Variants in LRMDA observed in about 807,000 individuals in gnomAD.
LRMDA encodes leucine rich melanocyte differentiation associated, also known as leucine-rich melanocyte differentiation-associated protein.
LRMDA carries 18 observed loss-of-function variants against 29.8 expected under a neutral mutation model. That is an observed-to-expected ratio of 0.60 (90% CI 0.42 to 0.90). The LOEUF (loss-of-function observed/expected upper bound fraction) is 0.90, where lower values mean the gene tolerates loss of function less well. LRMDA is among the 40% of genes least tolerant of loss of function. LRMDA has a pLI of 0.00. For synonymous variants in LRMDA, 125 were observed against 109.4 expected (o/e 1.14, Z -0.89); for missense variants, 273 against 273.9 (o/e 1.00, Z 0.02).
At chr10:76,370,682 G>A (rs984767071) in intron 6 of LRMDA, among the ~76,000 whole-genome samples, 11 of 151,884 alleles carry the variant, frequency 7.2e-5, no homozygotes, top group Non-Finnish European at 1.3e-4. Context: ...TATTATTATT[G>A]TAAATCTCTT....
intron 2 of LRMDA, among the ~76,000 whole-genome samples, chr10:75,692,539 A>C (rs2132162656): frequency 6.8e-6 from 1 of 147,398 alleles, no homozygotes; most frequent in East Asian, 2.0e-4. Context: ...GTATGTATAC[A>C]TATATACACA....
intron 6 of LRMDA, among the ~76,000 whole-genome samples, chr10:76,463,933 T>G (rs1336518593): frequency 6.7e-6 from 1 of 148,536 alleles, no homozygotes; most frequent in East Asian, 2.0e-4. Flanking sequence ...TTTTTTTTTT[T>G]TGTGAGATGG....
intron 5 of LRMDA, among the ~76,000 whole-genome samples, chr10:76,125,693 G>C (rs1462434434): frequency 1.3e-5 from 2 of 152,174 alleles, no homozygotes; most frequent in East Asian, 3.9e-4. Flanking sequence ...GGGGTAGTCT[G>C]GGTTTCTGGT....
chr10:76,448,322 A>C (rs570186033), intron 6 of LRMDA, among the ~76,000 whole-genome samples: 11 of 152,268 alleles, frequency 7.2e-5, no homozygotes, highest in African/African-American at 2.4e-4. Context: ...TAATGTCCCA[A>C]CATATGGAGG....
chr10:75,477,373 A>G (rs1287429081), intron 2 of LRMDA, among the ~76,000 whole-genome samples: 1 of 152,174 alleles, frequency 6.6e-6, no homozygotes, highest in Non-Finnish European at 1.5e-5. Context: ...TAGAACTGCA[A>G]CATACAAATT....
intron 2 of LRMDA, among the ~76,000 whole-genome samples, chr10:75,465,447 A>G (rs1434426626): frequency 3.3e-5 from 5 of 152,236 alleles, no homozygotes; most frequent in Admixed American, 2.6e-4. Context: ...TTGTATGCAT[A>G]CTGTGGGACT....
At chr10:76,045,735 C>T (rs528202530) in intron 3 of LRMDA, among the ~76,000 whole-genome samples, 6 of 152,162 alleles carry the variant, frequency 3.9e-5, no homozygotes, top group Non-Finnish European at 7.4e-5. Flanking sequence ...TAAATTGGGT[C>T]ACTGAGTAGA....
At chr10:76,135,853 G>A (rs569741701) in intron 5 of LRMDA, among the ~76,000 whole-genome samples, 1 of 151,886 alleles carries the variant, frequency 6.6e-6, no homozygotes, top group East Asian at 1.9e-4. Context: ...CATCTGCAAA[G>A]GCCCTATTTC....
intron 2 of LRMDA, among the ~76,000 whole-genome samples, chr10:75,652,789 T>A (rs904585946): frequency 6.6e-6 from 1 of 152,200 alleles, no homozygotes; most frequent in African/African-American, 2.4e-5. Flanking sequence ...TCCCCTTTGA[T>A]CACTTCTTTC....
intron 2 of LRMDA, among the ~76,000 whole-genome samples, chr10:76,019,904 G>A (rs1847941195): frequency 1.3e-5 from 2 of 152,306 alleles, no homozygotes; most frequent in South Asian, 4.1e-4. Flanking sequence ...GGCTGGGCCT[G>A]GGCTTCTGAA....
chr10:76,124,641 G>A (rs1849847611), intron 5 of LRMDA, among the ~76,000 whole-genome samples: 1 of 152,240 alleles, frequency 6.6e-6, no homozygotes, highest in African/African-American at 2.4e-5. Flanking sequence ...GCCCCTGTGG[G>A]TGTCCTGAAT....
At chr10:75,870,600 T>G (rs1229556490) in intron 2 of LRMDA, among the ~76,000 whole-genome samples, 2 of 152,158 alleles carry the variant, frequency 1.3e-5, no homozygotes, top group African/African-American at 4.8e-5. Flanking sequence ...CGCTTCTAGG[T>G]CTTATCATTC....
intron 2 of LRMDA, among the ~76,000 whole-genome samples, chr10:75,543,182 G>A (rs1840040560): frequency 6.6e-6 from 1 of 152,222 alleles, no homozygotes; most frequent in Non-Finnish European, 1.5e-5. Flanking sequence ...AGCTTTGACG[G>A]ATTGCTTTCC....
chr10:76,444,723 A>G (rs1357188003), intron 6 of LRMDA, among the ~76,000 whole-genome samples: 4 of 152,158 alleles, frequency 2.6e-5, no homozygotes, highest in Non-Finnish European at 5.9e-5. Flanking sequence ...GATGGTGAGT[A>G]ATACTAAACA....
chr10:75,755,691 G>A (rs1589189211), intron 2 of LRMDA, among the ~76,000 whole-genome samples: 1 of 152,246 alleles, frequency 6.6e-6, no homozygotes, highest in Non-Finnish European at 1.5e-5. Context: ...AAGAAAGCAA[G>A]CAATGCAAAG....
At chr10:75,740,991 T>C (rs1028856069) in intron 2 of LRMDA, among the ~76,000 whole-genome samples, 7 of 152,120 alleles carry the variant, frequency 4.6e-5, no homozygotes, top group African/African-American at 1.7e-4. Context: ...CACAAGAAGA[T>C]CTCTTACTTG....
In LRMDA at chr10:75,957,384, C is replaced by T. The variant is rs572315404; in HGVS notation, c.132-78624C>T. Among the ~76,000 whole-genome samples the T allele has an allele frequency of 8.9e-4, 136 of 152,314 alleles. 1 individual carries two copies. Among genetic ancestry groups the T allele is most frequent in the Middle Eastern group, 3.4e-3 (1 of 294 alleles). On this transcript the variant is annotated intron_variant, in intron 2 of 6. Coordinates refer to ENST00000611255, the MANE Select transcript of LRMDA (RefSeq NM_001305581.2). Reference sequence around the variant, plus strand: ...CAGGCCTATTCTTTGTTACAGACAACAATGAAGGGTGCCTTTAAGAAATCT... The same window carrying T: ...CAGGCCTATTCTTTGTTACAGACAATAATGAAGGGTGCCTTTAAGAAATCT...
intron 2 of LRMDA, among the ~76,000 whole-genome samples, chr10:75,497,620 C>A (rs1009526555): frequency 6.6e-5 from 10 of 151,890 alleles, no homozygotes; most frequent in Non-Finnish European, 1.3e-4. Flanking sequence ...CTGCTCCCTC[C>A]CCTCCATAGG....
At chr10:76,504,090 A>G (rs992077967) in intron 6 of LRMDA, among the ~76,000 whole-genome samples, 2 of 151,808 alleles carry the variant, frequency 1.3e-5, no homozygotes, top group Admixed American at 6.6e-5. Flanking sequence ...TGTTCATGCA[A>G]GAGTTACTGA....
Sources: gnomAD v4.1 joint callset for allele counts (sites outside exome capture counted in the v4.1 genomes callset) on GRCh38, gnomAD v4.1.1 for gene constraint, MANE v1.5 for transcripts, NCBI Gene and HGNC (gene_info 2026-07-23, HGNC 2026-07-21) for gene names.